Variants in AMN1 observed in about 807,000 individuals in gnomAD.
AMN1 encodes protein AMN1 homolog.
In AMN1, 20 loss-of-function variants were observed where a neutral mutation model predicts 33.0. The observed-to-expected ratio is 0.61, with a 90% CI of 0.43 to 0.88. The LOEUF is 0.88. Among genes scored for constraint, AMN1 ranks in the 40% least tolerant of loss-of-function variants. AMN1 has a pLI of 0.00. For synonymous variants in AMN1, 114 were observed against 111.9 expected (o/e 1.02, Z -0.12); for missense variants, 246 against 307.4 (o/e 0.80, Z 1.49).
intron 1 of AMN1, among the ~76,000 whole-genome samples, chr12:31,723,746 T>TAAC (rs1281717894): frequency 6.6e-6 from 1 of 152,132 alleles, no homozygotes; most frequent in Non-Finnish European, 1.5e-5. Flanking sequence ...CAGAGCTGAG[T>TAAC]AACTGTGTCA....
At chr12:31,694,841 C>A (rs771373383) in intron 5 of AMN1, among the ~76,000 whole-genome samples, 8 of 152,050 alleles carry the variant, frequency 5.3e-5, no homozygotes, top group Admixed American at 6.5e-5. Context: ...ATGTGGCTCA[C>A]ACCTATAGTT....
chr12:31,686,267 G>A (rs1938256436), intron 6 of AMN1, among the ~76,000 whole-genome samples: 2 of 152,142 alleles, frequency 1.3e-5, no homozygotes, highest in Admixed American at 1.3e-4. Context: ...CCAACATGGT[G>A]AAACCCTGTC....
intron 6 of AMN1, among the ~76,000 whole-genome samples, chr12:31,688,750 G>T (rs1854944530): frequency 6.6e-6 from 1 of 152,162 alleles, no homozygotes; most frequent in African/African-American, 2.4e-5. Flanking sequence ...GGTGGAGGTT[G>T]CAGTGAGCTG....
At chr12:31,696,643 T>C (rs1033452503) in intron 5 of AMN1, among the ~76,000 whole-genome samples, 1 of 152,132 alleles carries the variant, frequency 6.6e-6, no homozygotes, top group Admixed American at 6.6e-5. Flanking sequence ...AGATCTTTTT[T>C]AGGCCGGGTG....
chr12:31,694,713 T>TCCACC (rs1184465952), intron 5 of AMN1, among the ~76,000 whole-genome samples: 3 of 152,152 alleles, frequency 2.0e-5, no homozygotes, highest in Non-Finnish European at 4.4e-5. Context: ...GCCACTGTAC[T>TCCACC]CCACCCTGGG....
chr12:31,716,033 T>C (rs775470153), intron 1 of AMN1, among the ~76,000 whole-genome samples: 13 of 152,264 alleles, frequency 8.5e-5, no homozygotes, highest in Non-Finnish European at 1.8e-4. Flanking sequence ...TATCATTAAG[T>C]AATGTCTCTC....
chr12:31,725,576 C>T (rs570332781), intron 1 of AMN1, among the ~76,000 whole-genome samples: 1 of 152,282 alleles, frequency 6.6e-6, no homozygotes, highest in East Asian at 1.9e-4. Flanking sequence ...TTGTCCTTGA[C>T]TTTCTTTTTT....
intron 5 of AMN1, among the ~76,000 whole-genome samples, chr12:31,692,469 GA>G (rs531404306): frequency 7.5e-5 from 11 of 147,592 alleles, no homozygotes; most frequent in Admixed American, 2.0e-4. Flanking sequence ...AAAAACAAAC[GA>G]AAAAAAACAT....
At chr12:31,702,144 T>C in intron 2 of AMN1, 137 bp from the exon 3 acceptor site, 1 of 768,424 alleles carries the variant, frequency 1.3e-6, no homozygotes, top group Non-Finnish European at 2.0e-6. Flanking sequence ...AGCATATCCA[T>C]GTGCAGACAG....
At chr12:31,684,123 A>C (rs1938148597) in intron 6 of AMN1, among the ~76,000 whole-genome samples, 1 of 152,220 alleles carries the variant, frequency 6.6e-6, no homozygotes, top group Non-Finnish European at 1.5e-5. Context: ...GATGTTACAA[A>C]ATCATGCATT....
At chr12:31,720,056 A>C (rs771338264) in intron 1 of AMN1, among the ~76,000 whole-genome samples, 5 of 152,192 alleles carry the variant, frequency 3.3e-5, no homozygotes, top group Non-Finnish European at 5.9e-5. Flanking sequence ...TTCCGTTGTC[A>C]TTTGACATTG....
chr12:31,698,067 T>C, intron 3 of AMN1, 110 bp from the exon 4 acceptor site: 2 of 952,430 alleles, frequency 2.1e-6, no homozygotes, highest in Non-Finnish European at 3.2e-6. Context: ...TTAGCCCTTT[T>C]CAAAGTAGTC....
intron 5 of AMN1, 30 bp downstream of exon 5, chr12:31,697,331 C>T (rs1028930997): frequency 1.3e-6 from 2 of 1,585,386 alleles, no homozygotes; most frequent in Admixed American, 1.7e-5. Context: ...AATTTAATCA[C>T]CACCATCTTT....
intron 1 of AMN1, among the ~76,000 whole-genome samples, chr12:31,711,948 A>G (rs1592171281): frequency 6.6e-6 from 1 of 152,158 alleles, no homozygotes; most frequent in East Asian, 1.9e-4. Flanking sequence ...TATGAATGAG[A>G]ACATGTGACA....
intron 4 of AMN1, 115 bp downstream of exon 4, chr12:31,697,625 T>G: frequency 8.5e-7 from 1 of 1,176,096 alleles, no homozygotes; most frequent in Non-Finnish European, 1.2e-6. Context: ...AAGCATGAAG[T>G]GGTCAATAGT....
At chr12:31,706,311 C>CAAAAA (rs3032986) in intron 2 of AMN1, among the ~76,000 whole-genome samples, 1 of 66,022 alleles carries the variant, frequency 1.5e-5, no homozygotes, top group Non-Finnish European at 3.0e-5. Context: ...GACTCCGTCT[C>CAAAAA]AAAAAAAAAA....
intron 6 of AMN1, among the ~76,000 whole-genome samples, chr12:31,686,295 A>G (rs985482796): frequency 6.6e-6 from 1 of 151,984 alleles, no homozygotes; most frequent in Admixed American, 6.6e-5. Flanking sequence ...AAATACAAAA[A>G]TTAGCTGGGT....
intron 6 of AMN1, chr12:31,673,752 C>A: frequency 3.1e-6 from 1 of 323,226 alleles, no homozygotes; most frequent in South Asian, 2.6e-5. Flanking sequence ...CAAATCCAGC[C>A]ACTAGAAGAA....
In AMN1 at chr12:31,728,966, C is replaced by G; in HGVS notation, c.38+5G>C. ...GCGAAGGGAGGCGGGACAGGGTAGA[C>G]TCACAGATCCAGGAGCTGACTGACC... On this transcript the variant is annotated splice_donor_5th_base_variant and intron_variant, in intron 1 of 6. Coordinates refer to ENST00000281471, the MANE Select transcript of AMN1 (RefSeq NM_001113402.2). The G allele has an allele frequency of 6.5e-7, 1 of 1,546,296 alleles. No individual in the cohort carries two copies. The highest frequency in any genetic ancestry group is 8.7e-7 in the Non-Finnish European group (1 of 1,143,722).
Sources: allele counts gnomAD v4.1 joint callset (sites outside exome capture counted in the v4.1 genomes callset), GRCh38; gene constraint gnomAD v4.1.1; transcripts MANE v1.5; gene names NCBI Gene and HGNC (gene_info 2026-07-23, HGNC 2026-07-21).